PTPRD: variants seen among roughly 807,000 people sequenced by gnomAD.
PTPRD encodes protein tyrosine phosphatase receptor type D.
Under a neutral mutation model 214.5 loss-of-function variants are expected in PTPRD, and 34 were observed. The ratio of observed to expected loss-of-function variants is 0.16; its 90% CI spans 0.12 to 0.21. The LOEUF (loss-of-function observed/expected upper bound fraction) is 0.21. Ranked by LOEUF, PTPRD falls within the 10% of genes least tolerant of loss-of-function variation. The probability of loss-of-function intolerance (pLI) is 1.00; values close to 1 mark genes in which losing one functional copy is unlikely to be tolerated. For missense variants in PTPRD, 2,545 were observed against 2,398.7 expected, an observed-to-expected ratio of 1.06 and a Z score of -1.27; for synonymous variants, 1,128 against 845.7, an observed-to-expected ratio of 1.33 and a Z score of -5.79.
chr9:10,471,690 A>G (rs2099032075), intron 2 of PTPRD, among the ~76,000 whole-genome samples: 1 of 152,158 alleles, frequency 6.6e-6, no homozygotes, highest in South Asian at 2.1e-4. Flanking sequence ...TTGCTCATAA[A>G]GACTTCATGG....
intron 8 of PTPRD, among the ~76,000 whole-genome samples, chr9:9,429,610 T>G (rs1440950604): frequency 6.6e-6 from 1 of 152,164 alleles, no homozygotes; most frequent in East Asian, 1.9e-4. Flanking sequence ...AAAGAGAATT[T>G]TAGACCAATA....
intron 10 of PTPRD, among the ~76,000 whole-genome samples, chr9:9,093,396 C>T (rs1419701517): frequency 1.3e-5 from 2 of 151,852 alleles, no homozygotes; most frequent in Non-Finnish European, 2.9e-5. Flanking sequence ...TATTCAAATG[C>T]CCAAGAAATA....
chr9:9,158,079 T>C (rs552588484), intron 10 of PTPRD, among the ~76,000 whole-genome samples: 1 of 152,350 alleles, frequency 6.6e-6, no homozygotes, highest in Non-Finnish European at 1.5e-5. Flanking sequence ...TAGTATTCCA[T>C]GGTATATATG....
chr9:10,222,601 G>T (rs1052122698), intron 3 of PTPRD, among the ~76,000 whole-genome samples: 8 of 151,928 alleles, frequency 5.3e-5, no homozygotes, highest in Non-Finnish European at 1.2e-4. Flanking sequence ...TACCAATATT[G>T]TATAAATATC....
chr9:9,702,997 T>G (rs1436843380), intron 7 of PTPRD, among the ~76,000 whole-genome samples: 1 of 152,194 alleles, frequency 6.6e-6, no homozygotes, highest in Non-Finnish European at 1.5e-5. Context: ...ACTACTGATA[T>G]GCTTGGCTCT....
chr9:9,342,862 C>A (rs1484664211), intron 9 of PTPRD, among the ~76,000 whole-genome samples: 1 of 152,066 alleles, frequency 6.6e-6, no homozygotes, highest in Non-Finnish European at 1.5e-5. Flanking sequence ...CCTCCCCTAG[C>A]CCCCTACCCC....
At chr9:10,438,559 A>T (rs549168135) in intron 2 of PTPRD, among the ~76,000 whole-genome samples, 1 of 151,820 alleles carries the variant, frequency 6.6e-6, no homozygotes, top group East Asian at 1.9e-4. Context: ...GTTGTCTGGC[A>T]ACTGGTTGAT....
intron 7 of PTPRD, among the ~76,000 whole-genome samples, chr9:9,712,826 CA>C (rs1564701619): frequency 6.6e-6 from 1 of 151,866 alleles, no homozygotes; most frequent in Non-Finnish European, 1.5e-5. Context: ...GCATAGCTTT[CA>C]AAAAGAGAAA....
intron 7 of PTPRD, among the ~76,000 whole-genome samples, chr9:9,695,472 T>A (rs797013448): frequency 9.8e-5 from 15 of 152,306 alleles, no homozygotes; most frequent in African/African-American, 3.6e-4. Context: ...ATATGTGACC[T>A]TAGTTCACTG....
intron 3 of PTPRD, among the ~76,000 whole-genome samples, chr9:10,214,868 C>T (rs1329904411): frequency 6.6e-6 from 1 of 152,040 alleles, no homozygotes; most frequent in Non-Finnish European, 1.5e-5. Flanking sequence ...TCACATTGTA[C>T]ATGAATGGGC....
intron 14 of PTPRD, among the ~76,000 whole-genome samples, chr9:8,626,278 AG>A: frequency 6.6e-6 from 1 of 151,858 alleles, no homozygotes; most frequent in Admixed American, 6.6e-5. Flanking sequence ...CTTTAAGTGA[AG>A]TATTTTAGTA....
intron 2 of PTPRD, among the ~76,000 whole-genome samples, chr9:10,549,509 G>A (rs2060853866): frequency 6.6e-6 from 1 of 152,166 alleles, no homozygotes; most frequent in South Asian, 2.1e-4. Flanking sequence ...ACTCATTCCA[G>A]CAGAGATTAG....
chr9:8,936,364 C>T (rs562472634), intron 11 of PTPRD, among the ~76,000 whole-genome samples: 17 of 127,022 alleles, frequency 1.3e-4, no homozygotes, highest in Non-Finnish European at 2.2e-4. Context: ...GCAGAGGTTG[C>T]GGCAGTGAGC....
At chr9:8,468,101 G>C (rs926218803) in intron 31 of PTPRD, among the ~76,000 whole-genome samples, 7 of 151,994 alleles carry the variant, frequency 4.6e-5, no homozygotes, top group African/African-American at 1.7e-4. Context: ...TTCTTTAGAA[G>C]ACTTATAGGA....
At chr9:10,299,280 T>C (rs996596600) in intron 3 of PTPRD, among the ~76,000 whole-genome samples, 2 of 152,164 alleles carry the variant, frequency 1.3e-5, no homozygotes, top group African/African-American at 2.4e-5. Context: ...TTTTGGACTA[T>C]TGTCTATTTT....
intron 9 of PTPRD, among the ~76,000 whole-genome samples, chr9:9,377,948 AG>A (rs1327844402): frequency 6.6e-6 from 1 of 152,108 alleles, no homozygotes; most frequent in Non-Finnish European, 1.5e-5. Context: ...TTAGGTTTAC[AG>A]CAACATTGAG....
At chr9:9,563,071 T>C (rs969147838) in intron 8 of PTPRD, among the ~76,000 whole-genome samples, 1 of 152,196 alleles carries the variant, frequency 6.6e-6, no homozygotes, top group Admixed American at 6.5e-5. Flanking sequence ...TTTAGCTAAT[T>C]GTATGGTTAT....
At chr9:9,392,945 G>A (rs1487723953) in intron 9 of PTPRD, among the ~76,000 whole-genome samples, 1 of 152,164 alleles carries the variant, frequency 6.6e-6, no homozygotes, top group Admixed American at 6.5e-5. Flanking sequence ...CACACTGGGA[G>A]AATGGGGTGG....
At chr9:9,970,586 G>A (rs181850409) in intron 4 of PTPRD, among the ~76,000 whole-genome samples, 2 of 152,062 alleles carry the variant, frequency 1.3e-5, no homozygotes, top group Admixed American at 6.6e-5. Flanking sequence ...CCCCACACAG[G>A]GCAGACAAGC....
Sources: gnomAD v4.1 joint callset for allele counts (sites outside exome capture counted in the v4.1 genomes callset) on GRCh38, gnomAD v4.1.1 for gene constraint, MANE v1.5 for transcripts, NCBI Gene and HGNC (gene_info 2026-07-23, HGNC 2026-07-21) for gene names.